The following PABPC1 variants were observed in gnomAD, a reference collection of about 807,000 sequenced individuals.
PABPC1 encodes polyadenylate-binding protein 1.
A neutral mutation model predicts 74.0 loss-of-function variants in PABPC1; 4 were observed. That is an observed-to-expected ratio of 0.05 (90% CI 0.03 to 0.12). The LOEUF (loss-of-function observed/expected upper bound fraction) is 0.12. Among genes scored for constraint, PABPC1 ranks in the 10% least tolerant of loss-of-function variants. The pLI is 1.00. For synonymous variants in PABPC1, 227 were observed against 264.1 expected (o/e 0.86, Z 1.36); for missense variants, 271 against 821.1 (o/e 0.33, Z 8.19).
intron 6 of PABPC1, 49 bp from the exon 7 acceptor site, chr8:100,712,506 C>T (rs748850258): frequency 4.1e-6 from 6 of 1,467,026 alleles, no homozygotes; most frequent in Non-Finnish European, 4.7e-6. Context: ...ATGGTGGTAC[C>T]TAAGTACATC....
chr8:100,705,151 T>C, intron 12 of PABPC1, 95 bp from the exon 13 acceptor site: 1 of 959,572 alleles, frequency 1.0e-6, no homozygotes. Context: ...GAACCATACT[T>C]CTGTCTCACG....
In PABPC1 at chr8:100,709,087, A is replaced by AT. The variant is rs1356585712; in HGVS notation, c.1336+45dup. On this transcript the variant is annotated intron_variant, in intron 9 of 14. Transcript: ENST00000318607. The stretch of plus-strand genomic sequence containing the variant: ...GAAGAGCTGATTTACCCAATGTGTT[A>AT]TTTTTAACTCAATCCCCAACCTTAA... 2.8e-6 allele frequency: 4 copies of AT among 1,415,860 alleles called. No homozygotes were observed. In the African/African-American group the frequency reaches 5.7e-5, roughly 20 times the overall value. 87.7% of individuals were successfully genotyped at this position (1,415,860 alleles called of 1,614,324 possible).
At chr8:100,705,314 A>G (rs1810352110) in intron 12 of PABPC1, among the ~76,000 whole-genome samples, 1 of 152,244 alleles carries the variant, frequency 6.6e-6, no homozygotes, top group African/African-American at 2.4e-5. Context: ...CAAAGTCACA[A>G]GTTTTCTTCT....
At chr8:100,707,889 C>T (rs1279661123) in intron 9 of PABPC1, among the ~76,000 whole-genome samples, 1 of 152,246 alleles carries the variant, frequency 6.6e-6, no homozygotes, top group African/African-American at 2.4e-5. Flanking sequence ...GGCGTTACCA[C>T]TAGACCAAGG....
chr8:100,710,474 TG>T (rs1810498722), intron 7 of PABPC1, among the ~76,000 whole-genome samples: 1 of 152,148 alleles, frequency 6.6e-6, no homozygotes, highest in Admixed American at 6.5e-5. Flanking sequence ...TTTAAAGTAC[TG>T]GGGAAAAAGG....
chr8:100,716,238 C>T (rs901469009), intron 3 of PABPC1, among the ~76,000 whole-genome samples: 1 of 152,114 alleles, frequency 6.6e-6, no homozygotes, highest in African/African-American at 2.4e-5. Flanking sequence ...ACTGTCTCTA[C>T]TAAAGTACAA....
At chr8:100,718,396 T>G in intron 1 of PABPC1, 116 bp from the exon 2 acceptor site, 1 of 776,022 alleles carries the variant, frequency 1.3e-6, no homozygotes. Context: ...AGTTGAACGC[T>G]TCCTCTTTAA....
At position 100,713,062 on chromosome 8, in the gene PABPC1, T is replaced by G. The variant is rs567277654; in HGVS notation, c.738+25A>C. The G allele has an allele frequency of 1.6e-5, 25 of 1,517,600 alleles. No homozygotes were observed. In the East Asian group the frequency reaches 4.8e-4, roughly 29 times the overall value. The allele number at this position is 1,517,600 out of a possible 1,614,324, so 94.0% of individuals were successfully genotyped here. A position where few individuals can be genotyped will look rare whatever the true frequency, so the allele number is the denominator to read the frequency against. ...AGCAACTCAACTTTGTACCCCCTTC[T>G]TCCTGCTGAATACAGACCACTTACT... On this transcript the variant is annotated intron_variant, in intron 5 of 14. Coordinates refer to ENST00000318607, the MANE Select transcript of PABPC1 (RefSeq NM_002568.4).
In PABPC1 at chr8:100,721,667, CG is replaced by C. The variant is rs1354079685; in HGVS notation, c.-85del. The stretch of plus-strand genomic sequence containing the variant: ...GAGTGCCGGGGCTGGGGGCCGGAGC[CG>C]GGGGGAGGGGAGCGGGGAGCAAGCG... On this transcript the variant is annotated 5_prime_UTR_variant, in exon 1 of 15. Coordinates refer to ENST00000318607, the MANE Select transcript of PABPC1 (RefSeq NM_002568.4). The surrounding 1 kb of genome is among the most constrained non-coding windows in gnomAD (Gnocchi z 7.4). 45 of 271,486 alleles carry C rather than the reference CG, an allele frequency of 1.7e-4. No individual in the cohort carries two copies. The highest frequency in any genetic ancestry group is 2.4e-4 in the Non-Finnish European group (36 of 150,380). 16.8% of individuals were successfully genotyped at this position (271,486 alleles called of 1,614,324 possible). A position where few individuals can be genotyped will look rare whatever the true frequency, so the allele number is the denominator to read the frequency against.
chr8:100,709,943 A>G, intron 7 of PABPC1: 1 of 501,064 alleles, frequency 2.0e-6, no homozygotes, highest in Non-Finnish European at 3.5e-6. Flanking sequence ...TAGCCAGGTC[A>G]GAGAACTGAC....
chr8:100,704,407 C>T lies in PABPC1; in HGVS notation c.1819-17G>A. ...TTCATCAACCTAAAAAAGGGGAAAACAGATAAACTGGTTCAGGAAAGGAAT... is the reference window on the plus strand; with the variant it reads ...TTCATCAACCTAAAAAAGGGGAAAATAGATAAACTGGTTCAGGAAAGGAAT... On this transcript the variant is annotated splice_polypyrimidine_tract_variant and intron_variant, in intron 13 of 14. Coordinates refer to ENST00000318607, the MANE Select transcript of PABPC1 (RefSeq NM_002568.4). 1 of 1,588,148 alleles carries T rather than the reference C, an allele frequency of 6.3e-7. No individual in the cohort carries two copies. The highest frequency in any genetic ancestry group is 1.1e-5 in the South Asian group (1 of 90,476).
chr8:100,720,505 CA>C (rs1359540891), intron 1 of PABPC1, among the ~76,000 whole-genome samples: 21 of 152,084 alleles, frequency 1.4e-4, no homozygotes, highest in African/African-American at 5.1e-4. Flanking sequence ...ATTTTATAGC[CA>C]AAGTTGACTA....
At chr8:100,717,967 G>T in intron 2 of PABPC1, 79 bp from the exon 3 acceptor site, 1 of 1,342,100 alleles carries the variant, frequency 7.5e-7, no homozygotes. Context: ...CAATCTGTTA[G>T]CCATCTAACC....
chr8:100,707,137 C>CT, intron 9 of PABPC1, 140 bp from the exon 10 acceptor site: 1 of 591,872 alleles, frequency 1.7e-6, no homozygotes, highest in Non-Finnish European at 3.0e-6. Context: ...TTAACACTTG[C>CT]CATTTTCCCA....
At chr8:100,709,855 T>A (rs1436220057) in intron 7 of PABPC1, 124 bp from the exon 8 acceptor site, 3 of 1,119,544 alleles carry the variant, frequency 2.7e-6, no homozygotes, top group Non-Finnish European at 3.7e-6. Context: ...TGCTTAATCA[T>A]CTTGTATTTA....
chr8:100,720,246 C>A (rs1390294487), intron 1 of PABPC1, among the ~76,000 whole-genome samples: 1 of 151,046 alleles, frequency 6.6e-6, no homozygotes. Context: ...CCTAGCAACT[C>A]AACAGACCAC....
At position 100,709,226 on chromosome 8, in the gene PABPC1, GCAGGGAAAAAAAGCACA is replaced by G; in HGVS notation, c.1246-20_1246-4del. On this transcript the variant is annotated splice_polypyrimidine_tract_variant and splice_region_variant and intron_variant, in intron 8 of 14. Coordinates refer to ENST00000318607, the MANE Select transcript of PABPC1 (RefSeq NM_002568.4). ...TAGTATGCAGCACGGTTCTGAGTCT[GCAGGGAAAAAAAGCACA>G]TGAGTTTATCAGTTGAAGAAAAAAG... 6.8e-6 allele frequency: 11 copies of G among 1,609,520 alleles called. No individual in the cohort carries two copies. The highest frequency in any genetic ancestry group is 5.5e-5 in the South Asian group (5 of 90,772).
At chr8:100,714,912 A>G (rs1162305380) in intron 4 of PABPC1, among the ~76,000 whole-genome samples, 1 of 152,102 alleles carries the variant, frequency 6.6e-6, no homozygotes, top group Admixed American at 6.6e-5. Flanking sequence ...ATCAATTTCA[A>G]GTTTTATGAA....
intron 7 of PABPC1, chr8:100,709,955 G>C (rs572586468): frequency 2.1e-6 from 1 of 466,534 alleles, no homozygotes. Context: ...AGAACTGACA[G>C]AAGTGAAGGC....
Sources: gnomAD v4.1 joint callset for allele counts (sites outside exome capture counted in the v4.1 genomes callset) on GRCh38, gnomAD v4.1.1 for gene constraint, Gnocchi (gnomAD v3.1) non-coding constraint, MANE v1.5 for transcripts, NCBI Gene and HGNC (gene_info 2026-07-23, HGNC 2026-07-21) for gene names.